Variants in NR3C2 observed in about 807,000 individuals in gnomAD.
NR3C2 encodes mineralocorticoid receptor.
Under a neutral mutation model 86.4 loss-of-function variants are expected in NR3C2, and 15 were observed. The observed-to-expected ratio is 0.17, with a 90% CI of 0.12 to 0.27. The LOEUF is 0.27. NR3C2 is among the 10% of genes least tolerant of loss of function. The pLI is 1.00. For missense variants in NR3C2, 960 were observed against 1,195.6 expected (o/e 0.80, Z 2.91); for synonymous variants, 458 against 450.5 (o/e 1.02, Z -0.21).
chr4:148,329,903 G>T (rs1487164448), intron 2 of NR3C2, among the ~76,000 whole-genome samples: 1 of 152,206 alleles, frequency 6.6e-6, no homozygotes, highest in East Asian at 1.9e-4. Context: ...TAAGTCACAA[G>T]TAGGTGTTGA....
intron 8 of NR3C2, 93 bp downstream of exon 8, chr4:148,114,011 C>A: frequency 6.9e-7 from 1 of 1,458,864 alleles, no homozygotes; most frequent in East Asian, 2.4e-5. Flanking sequence ...TAGCATGACA[C>A]CCTGAAAACT....
chr4:148,134,970 C>G (rs986138481), intron 6 of NR3C2, among the ~76,000 whole-genome samples: 4 of 151,880 alleles, frequency 2.6e-5, no homozygotes, highest in African/African-American at 7.3e-5. Context: ...CCCTGGGATT[C>G]TTGAGTAAAG....
chr4:148,135,783 G>A (rs922982872), intron 6 of NR3C2, among the ~76,000 whole-genome samples: 3 of 151,910 alleles, frequency 2.0e-5, no homozygotes, highest in Admixed American at 6.6e-5. Context: ...ACGGCCGGGC[G>A]CGGTGGCTCA....
chr4:148,434,349 T>C lies in NR3C2; in HGVS notation c.1757+755A>G, dbSNP rs564826405. 1.2e-4 allele frequency among the ~76,000 whole-genome samples: 19 copies of C among 152,324 alleles called. No individual in the cohort carries two copies. In the East Asian group the frequency reaches 3.7e-3, roughly 29 times the overall value. On this transcript the variant is annotated intron_variant, in intron 2 of 8. Coordinates refer to ENST00000358102, the MANE Select transcript of NR3C2 (RefSeq NM_000901.5). Reference sequence around the variant, plus strand: ...TTTTCTAAATATATACAACATGCTATCTGCAACAAGGAAAGCCAAGAGATA... The same window carrying C: ...TTTTCTAAATATATACAACATGCTACCTGCAACAAGGAAAGCCAAGAGATA...
intron 2 of NR3C2, among the ~76,000 whole-genome samples, chr4:148,286,545 T>C (rs758973403): frequency 1.3e-5 from 2 of 152,216 alleles, no homozygotes; most frequent in Non-Finnish European, 2.9e-5. Flanking sequence ...TCAACAGTCA[T>C]TCTTGGCTCA....
intron 2 of NR3C2, among the ~76,000 whole-genome samples, chr4:148,293,731 C>A (rs1282474105): frequency 6.6e-6 from 1 of 152,150 alleles, no homozygotes; most frequent in Non-Finnish European, 1.5e-5. Flanking sequence ...CAGTCCTTGA[C>A]ACTGAACTTT....
At chr4:148,168,653 T>G (rs950147008) in intron 4 of NR3C2, among the ~76,000 whole-genome samples, 6 of 152,224 alleles carry the variant, frequency 3.9e-5, no homozygotes, top group Non-Finnish European at 8.8e-5. Flanking sequence ...AGGGGAAGGC[T>G]AAAAACCTCT....
chr4:148,349,662 A>G (rs1745173252), intron 2 of NR3C2, among the ~76,000 whole-genome samples: 1 of 151,948 alleles, frequency 6.6e-6, no homozygotes, highest in Non-Finnish European at 1.5e-5. Context: ...AAAATTCATA[A>G]TAACTACTTT....
intron 2 of NR3C2, among the ~76,000 whole-genome samples, chr4:148,371,717 A>G (rs891442750): frequency 6.6e-6 from 1 of 152,200 alleles, no homozygotes; most frequent in Non-Finnish European, 1.5e-5. Flanking sequence ...GATAAAATAA[A>G]AACAGTACCT....
chr4:148,125,403 C>T (rs896840229), intron 6 of NR3C2, among the ~76,000 whole-genome samples: 1 of 152,190 alleles, frequency 6.6e-6, no homozygotes, highest in African/African-American at 2.4e-5. Flanking sequence ...TTGTTGGAGT[C>T]TAGCTTCCTG....
chr4:148,174,461 A>G (rs974088184), intron 4 of NR3C2, among the ~76,000 whole-genome samples: 3 of 152,190 alleles, frequency 2.0e-5, no homozygotes, highest in Admixed American at 1.3e-4. Flanking sequence ...AACAAACAGA[A>G]TGGTGAACAC....
At chr4:148,289,242 A>G (rs1462219249) in intron 2 of NR3C2, among the ~76,000 whole-genome samples, 1 of 145,218 alleles carries the variant, frequency 6.9e-6, no homozygotes, top group Non-Finnish European at 1.5e-5. Flanking sequence ...AAAAGTCACA[A>G]TGTCTGAACT....
intron 3 of NR3C2, among the ~76,000 whole-genome samples, chr4:148,235,716 A>ATT (rs145206606): frequency 1.3e-5 from 2 of 151,408 alleles, no homozygotes; most frequent in East Asian, 3.9e-4. Context: ...AACCAGGAGA[A>ATT]TTTTTTTTAG....
chr4:148,094,081 A>G (rs1260879468), intron 8 of NR3C2, among the ~76,000 whole-genome samples: 1 of 152,258 alleles, frequency 6.6e-6, no homozygotes, highest in Non-Finnish European at 1.5e-5. Context: ...TACAAGATAC[A>G]AGAAGAGATG....
intron 3 of NR3C2, chr4:148,208,331 G>A (rs532988180): frequency 2.6e-5 from 4 of 152,376 alleles, no homozygotes; most frequent in African/African-American, 4.8e-5. Flanking sequence ...CCCTGTTCAG[G>A]TCAATCCCAA....
Position 148,340,236 on chromosome 4 carries a change from G to A in NR3C2, c.1758-80119C>T, listed in dbSNP as rs72656825. ...CTGAGCAAAAAGAACAGAAGGGGAGGGATCACACTACCTGACTTCAAAATA... is the reference window on the plus strand; with the variant it reads ...CTGAGCAAAAAGAACAGAAGGGGAGAGATCACACTACCTGACTTCAAAATA... On this transcript the variant is annotated intron_variant, in intron 2 of 8. Transcript: ENST00000358102. 7.2e-3 allele frequency among the ~76,000 whole-genome samples: 1,098 copies of A among 152,102 alleles called. 14 individuals are homozygous for A. Among genetic ancestry groups the A allele is most frequent in the African/African-American group, 0.024 (1,011 of 41,500 alleles).
Position 148,209,931 on chromosome 4 carries a change from C to T in NR3C2, c.1898-15069G>A, listed in dbSNP as rs544111162. Among the ~76,000 whole-genome samples, 17 of 152,300 alleles carry T rather than the reference C, an allele frequency of 1.1e-4. 1 individual carries two copies. The highest frequency in any genetic ancestry group is 1.8e-4 in the Non-Finnish European group (12 of 68,028). Reference sequence around the variant, plus strand: ...CAATTTGCTTAGGGCACCATTGCTGCGTTTCTCCCAACTTGCAGCCTGCCC... The same window carrying T: ...CAATTTGCTTAGGGCACCATTGCTGTGTTTCTCCCAACTTGCAGCCTGCCC... On this transcript the variant is annotated intron_variant, in intron 3 of 8. Coordinates refer to ENST00000358102, the MANE Select transcript of NR3C2 (RefSeq NM_000901.5).
At chr4:148,424,185 T>G (rs1749418777) in intron 2 of NR3C2, among the ~76,000 whole-genome samples, 1 of 152,116 alleles carries the variant, frequency 6.6e-6, no homozygotes, top group African/African-American at 2.4e-5. Context: ...AATAAGCACA[T>G]GAGAAGATGT....
chr4:148,321,319 AGGTGT>A (rs1304223645), intron 2 of NR3C2, among the ~76,000 whole-genome samples: 8,107 of 149,552 alleles, frequency 0.054, 277 homozygotes, highest in African/African-American at 0.11. Context: ...ATTTTGGAAT[AGGTGT>A]GGTGTGGTGC....
Sources: gnomAD v4.1 joint callset for allele counts (sites outside exome capture counted in the v4.1 genomes callset) on GRCh38, gnomAD v4.1.1 for gene constraint, MANE v1.5 for transcripts, NCBI Gene and HGNC (gene_info 2026-07-23, HGNC 2026-07-21) for gene names.